Variants in RGS7 observed in about 807,000 individuals in gnomAD.
RGS7 encodes regulator of G-protein signaling 7.
Under a neutral mutation model 81.1 loss-of-function variants are expected in RGS7, and 27 were observed. That is an observed-to-expected ratio of 0.33 (90% CI 0.25 to 0.46). The LOEUF (loss-of-function observed/expected upper bound fraction) is 0.46. Among genes scored for constraint, RGS7 ranks in the 20% least tolerant of loss-of-function variants. The pLI, the probability that RGS7 is intolerant of heterozygous loss-of-function variation, is 1.00. For missense variants in RGS7, 396 were observed against 607.4 expected (o/e 0.65, Z 3.66); for synonymous variants, 208 against 207.7 (o/e 1.00, Z -0.01).
chr1:241,131,220 G>T (rs1558111043), intron 2 of RGS7, among the ~76,000 whole-genome samples: 1 of 151,938 alleles, frequency 6.6e-6, no homozygotes, highest in Non-Finnish European at 1.5e-5. Context: ...AACACCCATA[G>T]CACATAGGAA....
chr1:241,331,535 T>C (rs1248089371), intron 2 of RGS7, among the ~76,000 whole-genome samples: 2 of 152,194 alleles, frequency 1.3e-5, no homozygotes, highest in Admixed American at 6.5e-5. Flanking sequence ...CTGCCATTGA[T>C]ATTATATTAT....
At chr1:241,006,916 T>C (rs28459641) in intron 3 of RGS7, among the ~76,000 whole-genome samples, 3,396 of 152,218 alleles carry the variant, frequency 0.022, 135 homozygotes, top group African/African-American at 0.077. Flanking sequence ...TCTTTCTTCT[T>C]CTTCTTCTTA....
intron 2 of RGS7, among the ~76,000 whole-genome samples, chr1:241,143,494 G>A (rs1359256779): frequency 1.3e-5 from 2 of 152,262 alleles, no homozygotes; most frequent in East Asian, 3.9e-4. Flanking sequence ...AGCTTGTGGA[G>A]GGGAACTCCT....
intron 2 of RGS7, among the ~76,000 whole-genome samples, chr1:241,134,939 C>T (rs1402544171): frequency 5.3e-5 from 8 of 150,312 alleles, no homozygotes; most frequent in African/African-American, 1.5e-4. Flanking sequence ...CTACCCCGGC[C>T]GGAAGACACC....
intron 3 of RGS7, among the ~76,000 whole-genome samples, chr1:241,056,077 A>G (rs1031659491): frequency 1.3e-5 from 2 of 152,080 alleles, no homozygotes; most frequent in African/African-American, 4.8e-5. Flanking sequence ...GCCCATGACT[A>G]CCTCTCTGAT....
chr1:241,202,314 T>A (rs1446992385), intron 2 of RGS7, among the ~76,000 whole-genome samples: 2 of 151,942 alleles, frequency 1.3e-5, no homozygotes, highest in East Asian at 3.9e-4. Flanking sequence ...ATTTTCCCCA[T>A]CCCCTAATAG....
intron 3 of RGS7, among the ~76,000 whole-genome samples, chr1:241,086,642 A>G (rs1389668261): frequency 6.6e-6 from 1 of 152,054 alleles, no homozygotes; most frequent in African/African-American, 2.4e-5. Flanking sequence ...TGTTTGGAAA[A>G]AAAAAAAGAA....
At chr1:241,294,339 G>A (rs1180232681) in intron 2 of RGS7, among the ~76,000 whole-genome samples, 1 of 152,078 alleles carries the variant, frequency 6.6e-6, no homozygotes, top group African/African-American at 2.4e-5. Flanking sequence ...TTAAAACCTA[G>A]ACGATGGGTT....
At chr1:240,874,476 A>G (rs1469613561) in intron 6 of RGS7, among the ~76,000 whole-genome samples, 1 of 152,106 alleles carries the variant, frequency 6.6e-6, no homozygotes, top group Admixed American at 6.6e-5. Flanking sequence ...ACTTTATTAT[A>G]TTTGATGGAG....
At chr1:240,980,640 TAC>T (rs1356379587) in intron 4 of RGS7, among the ~76,000 whole-genome samples, 2 of 152,332 alleles carry the variant, frequency 1.3e-5, no homozygotes, top group African/African-American at 2.4e-5. Context: ...TAATATCAGC[TAC>T]ATTATTAACC....
intron 3 of RGS7, among the ~76,000 whole-genome samples, chr1:241,036,175 G>A (rs2060315433): frequency 6.6e-6 from 1 of 152,098 alleles, no homozygotes; most frequent in African/African-American, 2.4e-5. Flanking sequence ...TGTATACAAA[G>A]CAAGAGTTTA....
chr1:241,041,726 G>C (rs1558636544), intron 3 of RGS7, among the ~76,000 whole-genome samples: 1 of 152,122 alleles, frequency 6.6e-6, no homozygotes, highest in Non-Finnish European at 1.5e-5. Flanking sequence ...GCAGGATAAA[G>C]ACAGACTCAA....
chr1:241,018,187 G>A (rs11583892), intron 3 of RGS7, among the ~76,000 whole-genome samples: 7,384 of 135,844 alleles, frequency 0.054, 236 homozygotes, highest in Middle Eastern at 0.1. Flanking sequence ...GTTTTATCAC[G>A]TGGCCAGGCT....
chr1:241,279,328 T>G (rs2078377213), intron 2 of RGS7, among the ~76,000 whole-genome samples: 3 of 152,228 alleles, frequency 2.0e-5, no homozygotes, highest in Admixed American at 1.3e-4. Flanking sequence ...ATTTTCCTAC[T>G]GTTTCTATGT....
intron 2 of RGS7, among the ~76,000 whole-genome samples, chr1:241,209,989 T>C (rs770127024): frequency 1.6e-4 from 24 of 152,266 alleles, no homozygotes; most frequent in Non-Finnish European, 2.8e-4. Flanking sequence ...AATAATGTAA[T>C]GTCATTGTCA....
At chr1:241,175,094 G>T (rs2071029263) in intron 2 of RGS7, among the ~76,000 whole-genome samples, 1 of 151,710 alleles carries the variant, frequency 6.6e-6, no homozygotes, top group South Asian at 2.1e-4. Flanking sequence ...TGTATAGACA[G>T]GGTTTCACTA....
chr1:241,220,380 T>G (rs2074821356), intron 2 of RGS7, among the ~76,000 whole-genome samples: 1 of 152,138 alleles, frequency 6.6e-6, no homozygotes, highest in Admixed American at 6.6e-5. Flanking sequence ...GCCAATTAAA[T>G]CACAATGTCT....
At chr1:241,062,892 T>A (rs1443209406) in intron 3 of RGS7, among the ~76,000 whole-genome samples, 4 of 152,194 alleles carry the variant, frequency 2.6e-5, no homozygotes, top group African/African-American at 9.7e-5. Flanking sequence ...CGTTAACTCT[T>A]CCTTTCACAA....
chr1:240,998,603 C>G, intron 3 of RGS7: 1 of 852,918 alleles, frequency 1.2e-6, no homozygotes, highest in South Asian at 1.3e-5. Flanking sequence ...GGTCCACCAG[C>G]CCCTACATTG....
Sources: allele counts gnomAD v4.1 joint callset (sites outside exome capture counted in the v4.1 genomes callset), GRCh38; gene constraint gnomAD v4.1.1; transcripts MANE v1.5; gene names NCBI Gene and HGNC (gene_info 2026-07-23, HGNC 2026-07-21).